NKAIN2: variants seen among roughly 807,000 people sequenced by gnomAD.
The protein encoded by NKAIN2 is sodium/potassium-transporting ATPase subunit beta-1-interacting protein 2.
In NKAIN2, 14 loss-of-function variants were observed where a neutral mutation model predicts 32.6. The observed-to-expected ratio is 0.43, with a 90% confidence interval of 0.28 to 0.67. NKAIN2 has a LOEUF of 0.67. Ranked by LOEUF, NKAIN2 falls within the 30% of genes least tolerant of loss-of-function variation. NKAIN2 has a pLI of 0.17. For missense variants in NKAIN2, 198 were observed against 258.3 expected (o/e 0.77, Z 1.60); for synonymous variants, 80 against 87.2 (o/e 0.92, Z 0.46).
chr6:124,435,931 A>G (rs1775422603), intron 3 of NKAIN2, among the ~76,000 whole-genome samples: 1 of 152,174 alleles, frequency 6.6e-6, no homozygotes, highest in African/African-American at 2.4e-5. Context: ...CAGATTAAAT[A>G]TAAGTAGTTT....
At chr6:124,404,896 C>T (rs1773781027) in intron 3 of NKAIN2, among the ~76,000 whole-genome samples, 2 of 151,998 alleles carry the variant, frequency 1.3e-5, no homozygotes, top group African/African-American at 4.8e-5. Flanking sequence ...TTATTAATAT[C>T]ATGTAGTCTG....
intron 3 of NKAIN2, among the ~76,000 whole-genome samples, chr6:124,385,637 T>C (rs1376717928): frequency 1.3e-5 from 2 of 152,126 alleles, no homozygotes; most frequent in Non-Finnish European, 2.9e-5. Context: ...TCCACTATAA[T>C]TCATTCCAAA....
chr6:124,470,754 G>T (rs1453910651), intron 3 of NKAIN2, among the ~76,000 whole-genome samples: 1 of 152,086 alleles, frequency 6.6e-6, no homozygotes, highest in African/African-American at 2.4e-5. Context: ...GATAATATTA[G>T]ACTAATGGGG....
intron 1 of NKAIN2, among the ~76,000 whole-genome samples, chr6:124,145,166 C>T (rs1001709527): frequency 6.6e-6 from 1 of 152,192 alleles, no homozygotes; most frequent in Admixed American, 6.5e-5. Context: ...ACCTGACATA[C>T]ATTTCTGGTG....
At chr6:124,381,899 A>C (rs1323931374) in intron 3 of NKAIN2, among the ~76,000 whole-genome samples, 1 of 152,200 alleles carries the variant, frequency 6.6e-6, no homozygotes, top group Non-Finnish European at 1.5e-5. Context: ...ATGAAAGCAC[A>C]CATTTTGTGT....
At chr6:124,245,894 T>G (rs2114791821) in intron 1 of NKAIN2, among the ~76,000 whole-genome samples, 1 of 152,250 alleles carries the variant, frequency 6.6e-6, no homozygotes, top group Admixed American at 6.6e-5. Flanking sequence ...CATAAGTTGC[T>G]TAAAGTGGAA....
At chr6:124,064,033 C>A (rs1180031908) in intron 1 of NKAIN2, among the ~76,000 whole-genome samples, 1 of 151,676 alleles carries the variant, frequency 6.6e-6, no homozygotes, top group Non-Finnish European at 1.5e-5. Flanking sequence ...TCAATGCATG[C>A]TCTGCCTCCC....
At chr6:124,045,000 G>A (rs1322261418) in intron 1 of NKAIN2, among the ~76,000 whole-genome samples, 2 of 151,888 alleles carry the variant, frequency 1.3e-5, no homozygotes, top group Non-Finnish European at 2.9e-5. Flanking sequence ...CTGATATTTT[G>A]GAAGAGTAGA....
chr6:124,008,456 G>A (rs921395228), intron 1 of NKAIN2, among the ~76,000 whole-genome samples: 1 of 151,100 alleles, frequency 6.6e-6, no homozygotes, highest in Admixed American at 6.6e-5. Context: ...CAAGTGCTAT[G>A]CATCTTTTAT....
intron 1 of NKAIN2, among the ~76,000 whole-genome samples, chr6:124,102,723 G>C (rs1784948755): frequency 6.6e-6 from 1 of 152,074 alleles, no homozygotes; most frequent in Admixed American, 6.6e-5. Context: ...ACATCACATT[G>C]ATTTTTTCCT....
chr6:124,777,282 A>G (rs1025115392), intron 4 of NKAIN2, among the ~76,000 whole-genome samples: 1 of 152,190 alleles, frequency 6.6e-6, no homozygotes, highest in Non-Finnish European at 1.5e-5. Context: ...CATGGATGCC[A>G]GGGAGAATGT....
At chr6:123,994,233 A>G (rs888877682) in intron 1 of NKAIN2, among the ~76,000 whole-genome samples, 1 of 150,712 alleles carries the variant, frequency 6.6e-6, no homozygotes, top group African/African-American at 2.4e-5. Context: ...CTGAGATAGC[A>G]TCCACCAACC....
intron 1 of NKAIN2, among the ~76,000 whole-genome samples, chr6:124,147,620 C>T (rs888679704): frequency 6.6e-6 from 1 of 151,824 alleles, no homozygotes; most frequent in Non-Finnish European, 1.5e-5. Flanking sequence ...AAAAAAAAGC[C>T]CACGAAAAAA....
chr6:124,498,269 G>A (rs535044057), intron 3 of NKAIN2, among the ~76,000 whole-genome samples: 7 of 152,224 alleles, frequency 4.6e-5, no homozygotes, highest in South Asian at 4.2e-4. Flanking sequence ...CTTTGTAGCC[G>A]AGCAAGCAGA....
chr6:124,477,550 A>C (rs1777269059), intron 3 of NKAIN2, among the ~76,000 whole-genome samples: 1 of 151,428 alleles, frequency 6.6e-6, no homozygotes. Context: ...CAGTGGTGGT[A>C]CTCCTGCATC....
intron 1 of NKAIN2, among the ~76,000 whole-genome samples, chr6:124,067,585 G>T (rs1366032012): frequency 6.6e-6 from 1 of 152,154 alleles, no homozygotes; most frequent in Non-Finnish European, 1.5e-5. Flanking sequence ...AAATGTATTT[G>T]TTGAGCATTT....
chr6:124,275,985 C>T (rs891373804), intron 1 of NKAIN2, among the ~76,000 whole-genome samples: 3 of 151,846 alleles, frequency 2.0e-5, no homozygotes, highest in African/African-American at 4.8e-5. Context: ...ATTAGTGGGC[C>T]GCCTGTAGTC....
intron 4 of NKAIN2, among the ~76,000 whole-genome samples, chr6:124,678,268 T>C (rs1210956049): frequency 2.0e-5 from 3 of 152,140 alleles, no homozygotes; most frequent in Non-Finnish European, 4.4e-5. Flanking sequence ...TTTAGGGAGT[T>C]TGGGGGCACT....
chr6:124,491,624 T>C (rs950024995), intron 3 of NKAIN2, among the ~76,000 whole-genome samples: 1 of 151,840 alleles, frequency 6.6e-6, no homozygotes, highest in Non-Finnish European at 1.5e-5. Flanking sequence ...GTCCTGAAGG[T>C]ATAGTCAGAG....
Sources: gnomAD v4.1 joint callset for allele counts (sites outside exome capture counted in the v4.1 genomes callset) on GRCh38, gnomAD v4.1.1 for gene constraint, MANE v1.5 for transcripts, NCBI Gene and HGNC (gene_info 2026-07-23, HGNC 2026-07-21) for gene names.